Variants in YY1 observed in about 807,000 individuals in gnomAD.
YY1 encodes YY1 transcription factor, also known as transcriptional repressor protein YY1.
In YY1, 2 loss-of-function variants were observed where a neutral mutation model predicts 35.6. That is an observed-to-expected ratio of 0.06 (90% CI 0.02 to 0.18). The LOEUF (loss-of-function observed/expected upper bound fraction) is 0.18. Ranked by LOEUF, YY1 falls within the 10% of genes least tolerant of loss-of-function variation. The pLI is 1.00. For synonymous variants in YY1, 268 were observed against 238.9 expected (o/e 1.12, Z -1.12); for missense variants, 322 against 573.4 (o/e 0.56, Z 4.48).
At chr14:100,260,243 A>C (rs1566775741) in intron 1 of YY1, among the ~76,000 whole-genome samples, 1 of 148,846 alleles carries the variant, frequency 6.7e-6, no homozygotes, top group African/African-American at 2.5e-5. Flanking sequence ...CACCTGGCTA[A>C]TTTTTGTATT....
rs972954333 is a variant in YY1 at position 100,279,636 on chromosome 14, C to T, written c.*2036C>T. ...TCAGTGCCGAGGGCTCGGATGAGAACGTGTAGTTCTTTGACTTGGACCTGG... is the reference window on the plus strand; with the variant it reads ...TCAGTGCCGAGGGCTCGGATGAGAATGTGTAGTTCTTTGACTTGGACCTGG... On this transcript the variant is annotated 3_prime_UTR_variant, in exon 5 of 5. Coordinates refer to ENST00000262238, the MANE Select transcript of YY1 (RefSeq NM_003403.5). The T allele has an allele frequency of 2.0e-5, 3 of 152,252 alleles. No homozygotes were observed. Among genetic ancestry groups the T allele is most frequent in the Non-Finnish European group, 4.4e-5 (3 of 68,070 alleles). The allele number at this position is 152,252 out of a possible 1,614,324, so 9.4% of individuals were successfully genotyped here.
intron 1 of YY1, among the ~76,000 whole-genome samples, chr14:100,251,507 T>TCC (rs574575015): frequency 1.0e-3 from 157 of 152,362 alleles, no homozygotes; most frequent in African/African-American, 3.7e-3. Flanking sequence ...GTTACAGTGG[T>TCC]AATAGGAAAC....
intron 1 of YY1, among the ~76,000 whole-genome samples, chr14:100,248,264 C>T (rs1290522138): frequency 6.6e-6 from 1 of 151,936 alleles, no homozygotes; most frequent in African/African-American, 2.4e-5. Context: ...TACAGGCGCC[C>T]ACCACCACGC....
intron 1 of YY1, among the ~76,000 whole-genome samples, chr14:100,251,293 T>TG (rs1171254058): frequency 2.0e-5 from 3 of 152,174 alleles, no homozygotes; most frequent in African/African-American, 7.2e-5. Flanking sequence ...TGTGAGAGGT[T>TG]GGAGTCCAGT....
At chr14:100,240,031 G>A in intron 1 of YY1, 108 bp downstream of exon 1, 1 of 1,078,716 alleles carries the variant, frequency 9.3e-7, no homozygotes, top group Non-Finnish European at 1.2e-6. Flanking sequence ...GGCAAGTATG[G>A]CGGCCCCAAA....
chr14:100,281,640 TACAGG>T lies in YY1; in HGVS notation c.*4044_*4048del, dbSNP rs796418229. Reference sequence around the variant, plus strand: ...CACTTCTTAGCCTTCTCTCTGACTTTACAGGACAAAAGGTACCCCACGCCTTCAGA... The same window carrying T: ...CACTTCTTAGCCTTCTCTCTGACTTTACAAAAGGTACCCCACGCCTTCAGA... On this transcript the variant is annotated 3_prime_UTR_variant, in exon 5 of 5. Coordinates refer to ENST00000262238, the MANE Select transcript of YY1 (RefSeq NM_003403.5). 95 of 152,334 alleles carry T rather than the reference TACAGG, an allele frequency of 6.2e-4. No homozygotes were observed. The highest frequency in any genetic ancestry group is 2.2e-3 in the African/African-American group (92 of 41,558). 9.4% of individuals were successfully genotyped at this position (152,334 alleles called of 1,614,324 possible).
At position 100,276,784 on chromosome 14, in the gene YY1, T is replaced by C; in HGVS notation, c.1062+136T>C. ...TTACTCCTTGGTGAGAAACAAAACT[T>C]CTCCTGGGGAGTCGCTTAGAAGGGT... On this transcript the variant is annotated intron_variant, in intron 4 of 4. Transcript: ENST00000262238. The surrounding 1 kb of genome is among the most constrained non-coding windows in gnomAD (Gnocchi z 4.1). 1 of 1,349,012 alleles carries C rather than the reference T, an allele frequency of 7.4e-7. No homozygotes were observed. The highest frequency in any genetic ancestry group is 1.0e-6 in the Non-Finnish European group (1 of 969,172). 83.6% of individuals were successfully genotyped at this position (1,349,012 alleles called of 1,614,324 possible).
At position 100,239,692 on chromosome 14, in the gene YY1, C is replaced by G. The variant is rs766981294; in HGVS notation, c.448C>G (p.Leu150Val). The change falls in exon 1 of 5, where the codon CTG becomes GTG. Residue 150 changes from leucine to valine, a missense_variant. This residue lies in a region of YY1 where 152 missense variants were observed against 167.1 expected (regional missense o/e 0.91). Transcript: ENST00000262238. ...CGACGACGACTACATTGAACAAACG[C>G]TGGTCACCGTGGCGGCGGCCGGCAA... ...GGDDDYIEQT[L>V]VTVAAAGKSG... 9 of 1,605,478 alleles carry G rather than the reference C, an allele frequency of 5.6e-6. No homozygotes were observed. The South Asian group carries it at 9.9e-5, about 18-fold the overall frequency.
At chr14:100,244,196 C>G (rs76297765) in intron 1 of YY1, among the ~76,000 whole-genome samples, 1 of 151,854 alleles carries the variant, frequency 6.6e-6, no homozygotes, top group South Asian at 2.1e-4. Context: ...CCTTTAATTT[C>G]CCACAGTAAG....
At position 100,239,648 on chromosome 14, in the gene YY1, T is replaced by A. The variant is rs1306145498; in HGVS notation, c.404T>A (p.Val135Glu). 6.2e-7 allele frequency: 1 copy of A among 1,610,050 alleles called. No individual in the cohort carries two copies. The highest frequency in any genetic ancestry group is 2.2e-5 in the East Asian group (1 of 44,730). The change falls in exon 1 of 5, where the codon GTG becomes GAG. Residue 135 changes from valine to glutamate, a missense_variant. Transcript: ENST00000262238. ...DGFEDQILIPVPAPAGGDDDY... is the reference protein window; with the variant it reads ...DGFEDQILIPEPAPAGGDDDY... ...TTCGAGGATCAGATTCTCATCCCGG[T>A]GCCCGCGCCGGCCGGCGGCGACGAC...
Position 100,277,681 on chromosome 14 carries a change from A to G in YY1, c.*81A>G. 7.0e-7 allele frequency: 1 copy of G among 1,430,944 alleles called. No individual in the cohort carries two copies. Among genetic ancestry groups the G allele is most frequent in the South Asian group, 1.2e-5 (1 of 83,270 alleles). 88.6% of individuals were successfully genotyped at this position (1,430,944 alleles called of 1,614,324 possible). A position where few individuals can be genotyped will look rare whatever the true frequency, so the allele number is the denominator to read the frequency against. Reference sequence around the variant, plus strand: ...GGGAATAAATATGCCTCTCCTTTGTATATTATTTCTAGGAAGAATTTTAAA... The same window carrying G: ...GGGAATAAATATGCCTCTCCTTTGTGTATTATTTCTAGGAAGAATTTTAAA... On this transcript the variant is annotated 3_prime_UTR_variant, in exon 5 of 5. Coordinates refer to ENST00000262238, the MANE Select transcript of YY1 (RefSeq NM_003403.5). The surrounding 1 kb of genome is among the most constrained non-coding windows in gnomAD (Gnocchi z 5.6).
rs539387361 is a variant in YY1 at position 100,242,795 on chromosome 14, C to CTGGA, written c.679+2873_679+2876dup. Among the ~76,000 whole-genome samples, 312 of 152,160 alleles carry CTGGA rather than the reference C, an allele frequency of 2.1e-3. 1 individual carries two copies. The highest frequency in any genetic ancestry group is 7.3e-3 in the African/African-American group (302 of 41,506). On this transcript the variant is annotated intron_variant, in intron 1 of 4. Transcript: ENST00000262238. ...ACAGAGTCTTGCTCTGTTGCCCAGG[C>CTGGA]TGGAGTGCAGTGTCACGATCTTGGC...
chr14:100,277,546 A>G lies in YY1; in HGVS notation c.1191A>G (p.Ser397=). The G allele has an allele frequency of 6.2e-7, 1 of 1,614,234 alleles. No individual in the cohort carries two copies. The change falls in exon 5 of 5, where the codon TCA becomes TCG. Residue 397 remains serine (S), a synonymous_variant. Transcript: ENST00000262238. This position sits in a 1 kb window ranked among gnomAD's most constrained non-coding sequence, Gnocchi z 5.6. ...FDGCNKKFAQ[S]TNLKSHILTH... is the part of the protein sequence containing the mutation. ...GTTGTAATAAGAAGTTTGCTCAGTC[A>G]ACTAACCTGAAATCTCACATCTTAA...
At chr14:100,255,749 C>A (rs1434612336) in intron 1 of YY1, among the ~76,000 whole-genome samples, 1 of 152,186 alleles carries the variant, frequency 6.6e-6, no homozygotes, top group East Asian at 1.9e-4. Flanking sequence ...GTGCTTAGGG[C>A]AAACTGCTTT....
chr14:100,253,449 G>A (rs1366861500), intron 1 of YY1, among the ~76,000 whole-genome samples: 1 of 152,208 alleles, frequency 6.6e-6, no homozygotes, highest in African/African-American at 2.4e-5. Flanking sequence ...ACAGAGTCTC[G>A]CTCTGTTGCC....
At chr14:100,256,226 A>G (rs926977617) in intron 1 of YY1, among the ~76,000 whole-genome samples, 4 of 152,070 alleles carry the variant, frequency 2.6e-5, no homozygotes, top group African/African-American at 7.2e-5. Context: ...TCCCCTATAC[A>G]TGCATATTTA....
chr14:100,243,621 C>T (rs1199652476), intron 1 of YY1, among the ~76,000 whole-genome samples: 2 of 151,600 alleles, frequency 1.3e-5, no homozygotes, highest in African/African-American at 4.9e-5. Context: ...AGTGAGACCC[C>T]GTCTCTGCAA....
chr14:100,259,292 G>C (rs570559233), intron 1 of YY1, among the ~76,000 whole-genome samples: 1 of 152,108 alleles, frequency 6.6e-6, no homozygotes, highest in Non-Finnish European at 1.5e-5. Context: ...AGGCCAAGGC[G>C]GGTGGATCAC....
rs58802954 is a variant in YY1, at chr14:100,281,832, C to G, written c.*4232C>G. 3,120 of 152,282 alleles carry G rather than the reference C, an allele frequency of 0.02. 105 individuals carry two copies. Among genetic ancestry groups the G allele is most frequent in the African/African-American group, 0.072 (2,975 of 41,532 alleles). 9.4% of individuals were successfully genotyped at this position (152,282 alleles called of 1,614,324 possible). On this transcript the variant is annotated 3_prime_UTR_variant, in exon 5 of 5. Coordinates refer to ENST00000262238, the MANE Select transcript of YY1 (RefSeq NM_003403.5). The stretch of plus-strand genomic sequence containing the variant: ...TGCAGGCCCTTCAGACAAGTCACGT[C>G]AGGCAAGAGAGGGCTGGCCTCTGAC...
Sources: gnomAD v4.1 joint callset for allele counts (sites outside exome capture counted in the v4.1 genomes callset) on GRCh38, gnomAD v4.1.1 for gene constraint, gnomAD v4.1.1 regional missense constraint, Gnocchi (gnomAD v3.1) non-coding constraint, MANE v1.5 for transcripts, NCBI Gene and HGNC (gene_info 2026-07-23, HGNC 2026-07-21) for gene names.